The following OGN variants were observed in gnomAD, a reference collection of about 807,000 sequenced individuals.
The protein encoded by OGN is osteoglycin.
Under a neutral mutation model 30.8 loss-of-function variants are expected in OGN, and 19 were observed. The observed-to-expected ratio is 0.62, with a 90% CI of 0.43 to 0.90. The LOEUF is 0.90. Among genes scored for constraint, OGN ranks in the 40% least tolerant of loss-of-function variants. The pLI is 0.00. For missense variants in OGN, 283 were observed against 349.7 expected (o/e 0.81, Z 1.52); for synonymous variants, 126 against 128.3 (o/e 0.98, Z 0.12).
intron 2 of OGN, among the ~76,000 whole-genome samples, chr9:92,402,849 G>A (rs561537104): frequency 6.6e-6 from 1 of 152,232 alleles, no homozygotes; most frequent in East Asian, 1.9e-4. Flanking sequence ...ACCTTAAGCT[G>A]ATAATTCATC....
chr9:92,394,807 A>G (rs1197249426), intron 3 of OGN, among the ~76,000 whole-genome samples: 3 of 151,462 alleles, frequency 2.0e-5, no homozygotes, highest in Non-Finnish European at 4.4e-5. Context: ...GGGTTTCACC[A>G]TGTTGGCCAG....
At chr9:92,393,559 A>G (rs1369093483) in intron 3 of OGN, among the ~76,000 whole-genome samples, 1 of 152,228 alleles carries the variant, frequency 6.6e-6, no homozygotes, top group East Asian at 1.9e-4. Context: ...AGCTTGACTT[A>G]TTAAGTTTAA....
intron 3 of OGN, among the ~76,000 whole-genome samples, chr9:92,395,696 T>C (rs925741800): frequency 2.0e-5 from 3 of 152,208 alleles, no homozygotes; most frequent in African/African-American, 7.2e-5. Context: ...CTTTTTAATT[T>C]TAGCAATTGA....
chr9:92,384,471 ATGTGTAGTCTAATAC>A lies in OGN; in HGVS notation c.*1134_*1148del, dbSNP rs1416504317. On this transcript the variant is annotated 3_prime_UTR_variant, in exon 7 of 7. Coordinates refer to ENST00000375561, the MANE Select transcript of OGN (RefSeq NM_014057.5). ...TAATTTTGTGTTTAACTTCAATGTA[ATGTGTAGTCTAATAC>A]TTTTAGTGGGGTACAAGTGAGAGGA... 2 of 152,156 alleles carry A rather than the reference ATGTGTAGTCTAATAC, an allele frequency of 1.3e-5. No homozygotes were observed. The highest frequency in any genetic ancestry group is 4.8e-5 in the African/African-American group (2 of 41,458). 9.4% of individuals were successfully genotyped at this position (152,156 alleles called of 1,614,324 possible).
chr9:92,390,706 C>T (rs760692370), intron 4 of OGN, among the ~76,000 whole-genome samples: 60 of 152,298 alleles, frequency 3.9e-4, no homozygotes, highest in Non-Finnish European at 7.8e-4. Context: ...TTTGTAAATA[C>T]TGAACCATTA....
chr9:92,400,732 C>A (rs1441707866), intron 3 of OGN, among the ~76,000 whole-genome samples: 1 of 152,166 alleles, frequency 6.6e-6, no homozygotes, highest in Non-Finnish European at 1.5e-5. Flanking sequence ...TGTTTCTGTT[C>A]TGTAAGTTTC....
rs1275922347 is a variant in OGN, at chr9:92,384,653, T to C, written c.*967A>G. 1.3e-5 allele frequency: 2 copies of C among 152,168 alleles called. No homozygotes were observed. Among genetic ancestry groups the C allele is most frequent in the East Asian group, 3.8e-4 (2 of 5,198 alleles). The allele number at this position is 152,168 out of a possible 1,614,324, so 9.4% of individuals were successfully genotyped here. On this transcript the variant is annotated 3_prime_UTR_variant, in exon 7 of 7. Transcript: ENST00000375561. ...TGTTACTCAGAAGCTTTATTGTGAA[T>C]ATTCAGTTTGTTACAGTGAACATGG...
chr9:92,386,477 T>C (rs1295553278), intron 5 of OGN, among the ~76,000 whole-genome samples, 181 bp from the exon 6 acceptor site: 1 of 152,180 alleles, frequency 6.6e-6, no homozygotes, highest in Non-Finnish European at 1.5e-5. Flanking sequence ...TTTTCTGACT[T>C]CACGTGTAGT....
chr9:92,392,980 G>A (rs1842747355), intron 4 of OGN, 106 bp downstream of exon 4: 1 of 840,312 alleles, frequency 1.2e-6, no homozygotes, highest in Admixed American at 2.9e-5. Context: ...TGTACTTCAA[G>A]TGACAAACCT....
At position 92,393,181 on chromosome 9, in the gene OGN, A is replaced by T; in HGVS notation, c.332T>A (p.Ile111Asn). Residue 111 changes from isoleucine (I) to asparagine (N), a missense_variant, in exon 4 of 7, where the codon ATT (isoleucine) becomes AAT (asparagine). Coordinates refer to ENST00000375561, the MANE Select transcript of OGN (RefSeq NM_014057.5). ...SGSVYCEEVDIDAVPPLPKES... is the reference protein window; with the variant it reads ...SGSVYCEEVDNDAVPPLPKES... ...CTTTGGTAAGGGTGGTACAGCATCA[A>T]TGTCAACTTCTTCACAGTATACAGA... 1.2e-6 allele frequency: 2 copies of T among 1,613,884 alleles called. No homozygotes were observed. The highest frequency in any genetic ancestry group is 1.7e-6 in the Non-Finnish European group (2 of 1,179,830).
chr9:92,388,397 A>G (rs944811137), intron 5 of OGN, among the ~76,000 whole-genome samples: 1 of 151,980 alleles, frequency 6.6e-6, no homozygotes, highest in African/African-American at 2.4e-5. Flanking sequence ...CCTGACCTCA[A>G]GTGATCCGCC....
chr9:92,401,161 T>G lies in OGN; in HGVS notation c.199A>C (p.Asn67His). Reference sequence around the variant, plus strand: ...TTTTGTAATTGAAGACTTTTCTCATTGGGTATTATCACAGTTTCTTTTTCC... The same window carrying G: ...TTTTGTAATTGAAGACTTTTCTCATGGGGTATTATCACAGTTTCTTTTTCC... The part of the protein sequence containing the change: ...IKEKETVIIP[N>H]EKSLQLQKDE... Residue 67 changes from asparagine to histidine, a missense_variant, in exon 3 of 7, where the codon AAT becomes CAT. Coordinates refer to ENST00000375561, the MANE Select transcript of OGN (RefSeq NM_014057.5). The G allele has an allele frequency of 1.3e-6, 2 of 1,529,286 alleles. No individual in the cohort carries two copies. Among genetic ancestry groups the G allele is most frequent in the African/African-American group, 1.4e-5 (1 of 73,348 alleles). The allele number at this position is 1,529,286 out of a possible 1,614,324, so 94.7% of individuals were successfully genotyped here.
intron 2 of OGN, among the ~76,000 whole-genome samples, chr9:92,402,262 A>G (rs1201024950): frequency 1.3e-5 from 2 of 152,178 alleles, no homozygotes; most frequent in Non-Finnish European, 2.9e-5. Flanking sequence ...AAATAATGCT[A>G]TCATATTAAA....
chr9:92,389,342 C>T (rs745998244), intron 5 of OGN, among the ~76,000 whole-genome samples: 1 of 152,088 alleles, frequency 6.6e-6, no homozygotes, highest in African/African-American at 2.4e-5. Flanking sequence ...TTAATTCTTA[C>T]TACATATAAA....
At chr9:92,395,787 G>C (rs191534888) in intron 3 of OGN, among the ~76,000 whole-genome samples, 1 of 149,216 alleles carries the variant, frequency 6.7e-6, no homozygotes, top group East Asian at 1.9e-4. Flanking sequence ...CTTTTCATGT[G>C]CTTGTTTGGC....
chr9:92,387,355 C>T lies in OGN; in HGVS notation c.631-1059G>A, dbSNP rs574643760. On this transcript the variant is annotated intron_variant, in intron 5 of 6. Coordinates refer to ENST00000375561, the MANE Select transcript of OGN (RefSeq NM_014057.5). ...TGTGCCACTGCACTCCAGCCTGGGCCACAGAACGAGACTCCATCTCAAGAA... is the reference window on the plus strand; with the variant it reads ...TGTGCCACTGCACTCCAGCCTGGGCTACAGAACGAGACTCCATCTCAAGAA... Among the ~76,000 whole-genome samples the T allele has an allele frequency of 2.3e-3, 339 of 150,210 alleles. 2 individuals are homozygous for T. The highest frequency in any genetic ancestry group is 8.0e-3 in the African/African-American group (325 of 40,874).
chr9:92,385,470 A>G lies in OGN; in HGVS notation c.*150T>C. The G allele has an allele frequency of 3.1e-6, 2 of 649,164 alleles. No individual in the cohort carries two copies. Among genetic ancestry groups the G allele is most frequent in the South Asian group, 5.1e-5 (2 of 39,158 alleles). The allele number at this position is 649,164 out of a possible 1,614,324, so 40.2% of individuals were successfully genotyped here. A position where few individuals can be genotyped will look rare whatever the true frequency, so the allele number is the denominator to read the frequency against. On this transcript the variant is annotated 3_prime_UTR_variant, in exon 7 of 7. Transcript: ENST00000375561. ...GTCTTACTTTTTACTTATTATATGT[A>G]AGATTTTGAACATCCTTGCTTAAAA...
intron 5 of OGN, among the ~76,000 whole-genome samples, chr9:92,388,404 C>T (rs867198435): frequency 6.6e-6 from 1 of 151,926 alleles, no homozygotes; most frequent in African/African-American, 2.4e-5. Flanking sequence ...TCAAGTGATC[C>T]GCCTGCCTCA....
Position 92,390,050 on chromosome 9 carries a change from A to G in OGN, c.434T>C (p.Leu145Ser). The change falls in exon 5 of 7, where the codon TTA becomes TCA. Residue 145 changes from leucine to serine, a missense_variant. Transcript: ENST00000375561. ...TAKDFADIPN[L>S]RRLDFTGNLI... ...ATTTCCTGTAAAATCGAGTCTTCTT[A>G]AGTTAGCTAGAGGGAAAAAAATATA... 1 of 1,578,778 alleles carries G rather than the reference A, an allele frequency of 6.3e-7. No individual in the cohort carries two copies. The highest frequency in any genetic ancestry group is 8.7e-7 in the Non-Finnish European group (1 of 1,154,236).
Sources: allele counts gnomAD v4.1 joint callset (sites outside exome capture counted in the v4.1 genomes callset), GRCh38; gene constraint gnomAD v4.1.1; transcripts MANE v1.5; gene names NCBI Gene and HGNC (gene_info 2026-07-23, HGNC 2026-07-21).